KHDRBS2: variants seen among roughly 807,000 people sequenced by gnomAD.
The protein encoded by KHDRBS2 is KH RNA binding domain containing, signal transduction associated 2, also known as KH domain-containing, RNA-binding, signal transduction-associated protein 2.
In KHDRBS2, 26 loss-of-function variants were observed where a neutral mutation model predicts 44.3. That is an observed-to-expected ratio of 0.59 (90% CI 0.43 to 0.81). The LOEUF (loss-of-function observed/expected upper bound fraction) is 0.81. Among genes scored for constraint, KHDRBS2 ranks in the 40% least tolerant of loss-of-function variants. The pLI, the probability that KHDRBS2 is intolerant of heterozygous loss-of-function variation, is 0.00. For missense variants in KHDRBS2, 476 were observed against 433.1 expected (o/e 1.10, Z -0.88); for synonymous variants, 194 against 151.1 (o/e 1.28, Z -2.08).
At chr6:61,772,056 C>T (rs529107172) in intron 6 of KHDRBS2, among the ~76,000 whole-genome samples, 1 of 152,312 alleles carries the variant, frequency 6.6e-6, no homozygotes, top group Admixed American at 6.5e-5. Context: ...ACTGAACAAC[C>T]TGCTCCTGAA....
At chr6:62,102,389 C>A (rs1380049079) in intron 2 of KHDRBS2, among the ~76,000 whole-genome samples, 1 of 152,156 alleles carries the variant, frequency 6.6e-6, no homozygotes, top group Non-Finnish European at 1.5e-5. Context: ...CTGCAGGCAC[C>A]AGGCAATTCA....
intron 7 of KHDRBS2, among the ~76,000 whole-genome samples, chr6:61,714,446 G>T (rs1383333698): frequency 6.6e-6 from 1 of 151,922 alleles, no homozygotes; most frequent in Non-Finnish European, 1.5e-5. Context: ...TGGTGGAAAT[G>T]TAAATTAGTA....
chr6:62,092,118 GTT>G (rs904715831), intron 2 of KHDRBS2, among the ~76,000 whole-genome samples: 1 of 146,106 alleles, frequency 6.8e-6, no homozygotes, highest in African/African-American at 2.5e-5. Context: ...GATGTCTCCA[GTT>G]TTTTTTTTTA....
intron 2 of KHDRBS2, among the ~76,000 whole-genome samples, chr6:62,075,709 G>A (rs1562799146): frequency 1.3e-5 from 2 of 151,816 alleles, no homozygotes; most frequent in Non-Finnish European, 2.9e-5. Flanking sequence ...TATCATCCCA[G>A]GCTTTATGCC....
At chr6:61,808,820 T>C (rs1787607918) in intron 6 of KHDRBS2, among the ~76,000 whole-genome samples, 1 of 152,060 alleles carries the variant, frequency 6.6e-6, no homozygotes, top group African/African-American at 2.4e-5. Flanking sequence ...TTTTTTTAAA[T>C]TAAATTCAAA....
At chr6:62,269,279 A>G (rs1401885208) in intron 1 of KHDRBS2, among the ~76,000 whole-genome samples, 2 of 152,074 alleles carry the variant, frequency 1.3e-5, no homozygotes, top group African/African-American at 4.8e-5. Flanking sequence ...CTCCTCTCTG[A>G]AAGATGAAAA....
At chr6:61,945,047 T>A (rs1812916694) in intron 4 of KHDRBS2, among the ~76,000 whole-genome samples, 2 of 138,894 alleles carry the variant, frequency 1.4e-5, no homozygotes, top group Non-Finnish European at 3.1e-5. Context: ...GCCAAGATCG[T>A]GCCACTGCAC....
chr6:62,198,089 T>G (rs184118721), intron 1 of KHDRBS2, among the ~76,000 whole-genome samples: 1 of 152,002 alleles, frequency 6.6e-6, no homozygotes, highest in Non-Finnish European at 1.5e-5. Flanking sequence ...TTTAAAGCAG[T>G]GTGCAGAGGG....
intron 6 of KHDRBS2, among the ~76,000 whole-genome samples, chr6:61,883,416 C>A (rs1252674725): frequency 2.0e-5 from 3 of 151,906 alleles, no homozygotes; most frequent in Admixed American, 6.6e-5. Context: ...CAGGGAGAAA[C>A]CTATTTTCAT....
chr6:62,146,294 A>T (rs2150102029), intron 2 of KHDRBS2, among the ~76,000 whole-genome samples: 1 of 151,918 alleles, frequency 6.6e-6, no homozygotes, highest in South Asian at 2.1e-4. Context: ...CTGTTTCCAT[A>T]ATCTCTCTCC....
intron 6 of KHDRBS2, chr6:61,814,132 T>G: frequency 2.2e-6 from 1 of 446,730 alleles, no homozygotes; most frequent in Non-Finnish European, 4.5e-6. Context: ...ATTCTATGAT[T>G]CTTTGAATCC....
the KHDRBS2 span, among the ~76,000 whole-genome samples, chr6:61,654,178 G>T: frequency 6.6e-6 from 1 of 152,024 alleles, no homozygotes; most frequent in Non-Finnish European, 1.5e-5. Flanking sequence ...TAGAAAGGGC[G>T]CTAACATTTG....
chr6:61,625,860 C>T, the KHDRBS2 span, among the ~76,000 whole-genome samples: 3,720 of 152,260 alleles, frequency 0.024, 70 homozygotes, highest in Middle Eastern at 0.088. Context: ...TAAAACTAAG[C>T]ACTCTAATAT....
chr6:61,684,287 A>T (rs907287629), intron 8 of KHDRBS2, among the ~76,000 whole-genome samples: 128 of 151,928 alleles, frequency 8.4e-4, no homozygotes, highest in African/African-American at 3.0e-3. Context: ...AGGCCTCTGG[A>T]TTTCTTCACT....
chr6:62,051,453 C>A lies in KHDRBS2; in HGVS notation c.220-3459G>T, dbSNP rs529334204. 2.8e-4 allele frequency among the ~76,000 whole-genome samples: 42 copies of A among 151,842 alleles called. No homozygotes were observed. In the South Asian group the frequency reaches 6.6e-3, roughly 24 times the overall value. On this transcript the variant is annotated intron_variant, in intron 2 of 8. Coordinates refer to ENST00000281156, the MANE Select transcript of KHDRBS2 (RefSeq NM_152688.4). ...AGTGTTTTTTTAGCACAATTTATTG[C>A]AAAGATTATCCTTTCCTCATTGTGT...
chr6:62,281,932 T>A (rs1841867418), intron 1 of KHDRBS2, among the ~76,000 whole-genome samples: 1 of 152,176 alleles, frequency 6.6e-6, no homozygotes, highest in South Asian at 2.1e-4. Flanking sequence ...TAACTTGAAT[T>A]TAATTTTTTG....
intron 6 of KHDRBS2, among the ~76,000 whole-genome samples, chr6:61,832,587 G>T (rs1421735073): frequency 6.9e-6 from 1 of 145,820 alleles, no homozygotes; most frequent in Non-Finnish European, 1.5e-5. Context: ...AGGGACATGA[G>T]AAAAAAAAAA....
At chr6:62,060,609 GTCTC>G (rs373091004) in intron 2 of KHDRBS2, among the ~76,000 whole-genome samples, 3,665 of 147,934 alleles carry the variant, frequency 0.025, 62 homozygotes, top group Non-Finnish European at 0.03. Context: ...CTCTCTCTCT[GTCTC>G]TCTCTCTCTC....
At chr6:62,103,459 T>G (rs1282259390) in intron 2 of KHDRBS2, among the ~76,000 whole-genome samples, 1 of 152,280 alleles carries the variant, frequency 6.6e-6, no homozygotes, top group South Asian at 2.1e-4. Context: ...CACAATGTTG[T>G]TCTGCATGGA....
Sources: gnomAD v4.1 joint callset for allele counts (sites outside exome capture counted in the v4.1 genomes callset) on GRCh38, gnomAD v4.1.1 for gene constraint, MANE v1.5 for transcripts, NCBI Gene and HGNC (gene_info 2026-07-23, HGNC 2026-07-21) for gene names.